Variants in MACROD2 observed in about 807,000 individuals in gnomAD.
MACROD2 encodes ADP-ribose glycohydrolase MACROD2.
Under a neutral mutation model 70.4 loss-of-function variants are expected in MACROD2, and 36 were observed. That is an observed-to-expected ratio of 0.51 (90% CI 0.39 to 0.68). The LOEUF (loss-of-function observed/expected upper bound fraction) is 0.68, where lower values mean the gene tolerates loss of function less well. MACROD2 is among the 30% of genes least tolerant of loss of function. The pLI is 0.00. For synonymous variants in MACROD2, 172 were observed against 178.8 expected (o/e 0.96, Z 0.30); for missense variants, 496 against 538.4 (o/e 0.92, Z 0.78).
intron 8 of MACROD2, among the ~76,000 whole-genome samples, chr20:15,523,394 C>T (rs1471371014): frequency 6.6e-6 from 1 of 152,174 alleles, no homozygotes. Flanking sequence ...ATTTTGTAGT[C>T]AAGGTCAGTG....
chr20:15,923,883 G>A (rs1006986133), intron 10 of MACROD2, among the ~76,000 whole-genome samples: 34 of 152,184 alleles, frequency 2.2e-4, no homozygotes, highest in African/African-American at 7.7e-4. Flanking sequence ...GTCAAATAGC[G>A]ATTAGCAAAA....
At chr20:14,245,642 T>C (rs931706862) in intron 3 of MACROD2, among the ~76,000 whole-genome samples, 2 of 152,166 alleles carry the variant, frequency 1.3e-5, no homozygotes, top group African/African-American at 2.4e-5. Context: ...AATTAAAGAA[T>C]CTGCCAGCTT....
intron 2 of MACROD2, among the ~76,000 whole-genome samples, chr20:14,030,014 C>CT (rs2053227108): frequency 6.6e-6 from 1 of 152,158 alleles, no homozygotes; most frequent in Non-Finnish European, 1.5e-5. Flanking sequence ...AGAAATAGTA[C>CT]TTTTTTTCCT....
At chr20:15,885,342 G>A (rs1000989339) in intron 9 of MACROD2, among the ~76,000 whole-genome samples, 3 of 152,062 alleles carry the variant, frequency 2.0e-5, no homozygotes, top group African/African-American at 4.8e-5. Context: ...GACATGTGTC[G>A]GTCTATGACC....
intron 3 of MACROD2, among the ~76,000 whole-genome samples, chr20:14,209,882 T>G (rs1210630514): frequency 1.3e-5 from 2 of 152,228 alleles, no homozygotes; most frequent in Non-Finnish European, 2.9e-5. Context: ...ATACTGTATT[T>G]GGATGGTCAA....
chr20:14,168,862 G>C (rs1326078195), intron 3 of MACROD2, among the ~76,000 whole-genome samples: 4 of 152,172 alleles, frequency 2.6e-5, no homozygotes, highest in Non-Finnish European at 5.9e-5. Flanking sequence ...TGTAAAGCCA[G>C]TGTCTCCCTA....
chr20:15,971,294 T>G (rs995819844), intron 13 of MACROD2, among the ~76,000 whole-genome samples: 10 of 152,138 alleles, frequency 6.6e-5, no homozygotes, highest in African/African-American at 2.4e-4. Flanking sequence ...GTAGCTCCCA[T>G]AATCCCCACG....
intron 5 of MACROD2, among the ~76,000 whole-genome samples, chr20:14,869,977 G>A (rs550961512): frequency 6.6e-6 from 1 of 152,120 alleles, no homozygotes; most frequent in East Asian, 1.9e-4. Context: ...TTAGTTCAGG[G>A]GTACATGTGC....
rs183322714 is a variant in MACROD2 at position 14,195,952 on chromosome 20, T to C, written c.271+110224T>C. 1.0e-3 allele frequency among the ~76,000 whole-genome samples: 159 copies of C among 152,272 alleles called. 2 individuals are homozygous for C. The highest frequency in any genetic ancestry group is 2.1e-3 in the Non-Finnish European group (145 of 68,008). ...TCCCTACGATAAGGCAGGGGTCTAATTGAGCTAACACAAGACACCTACAGA... is the reference window on the plus strand; with the variant it reads ...TCCCTACGATAAGGCAGGGGTCTAACTGAGCTAACACAAGACACCTACAGA... On this transcript the variant is annotated intron_variant, in intron 3 of 17. Coordinates refer to ENST00000684519, the MANE Select transcript of MACROD2 (RefSeq NM_001351661.2).
chr20:14,448,414 TG>T (rs1302009336), intron 3 of MACROD2, among the ~76,000 whole-genome samples: 4 of 151,860 alleles, frequency 2.6e-5, no homozygotes, highest in Non-Finnish European at 4.4e-5. Flanking sequence ...CGGTGACTCA[TG>T]CCTGTAATCC....
chr20:15,245,720 A>G (rs2077099597), intron 6 of MACROD2, among the ~76,000 whole-genome samples: 1 of 152,166 alleles, frequency 6.6e-6, no homozygotes, highest in South Asian at 2.1e-4. Flanking sequence ...GTGTTGAATG[A>G]TTTTGCTCGA....
intron 5 of MACROD2, among the ~76,000 whole-genome samples, chr20:14,817,912 C>A (rs978006413): frequency 1.3e-5 from 2 of 152,032 alleles, no homozygotes; most frequent in Non-Finnish European, 2.9e-5. Flanking sequence ...AAGCACTGAG[C>A]CAATGAGAGG....
intron 5 of MACROD2, among the ~76,000 whole-genome samples, chr20:14,862,188 T>TTATACATAAATATATAAATATATA (rs2073343417): frequency 2.9e-3 from 13 of 4,538 alleles, no homozygotes; most frequent in Non-Finnish European, 4.3e-3. Flanking sequence ...TAAATATATA[T>TTATACATAAATATATAAATATATA]TTATACATAA....
chr20:14,187,322 A>G (rs565465234), intron 3 of MACROD2, among the ~76,000 whole-genome samples: 71 of 152,296 alleles, frequency 4.7e-4, no homozygotes, highest in African/African-American at 1.4e-3. Context: ...AAAACCACTG[A>G]TACGTGAGGA....
chr20:14,450,107 A>T (rs1190710517), intron 3 of MACROD2, among the ~76,000 whole-genome samples: 1 of 152,142 alleles, frequency 6.6e-6, no homozygotes, highest in Non-Finnish European at 1.5e-5. Flanking sequence ...GACAATGACA[A>T]TATCTAATAG....
intron 5 of MACROD2, among the ~76,000 whole-genome samples, chr20:15,201,635 A>T (rs1962619333): frequency 1.3e-5 from 2 of 152,138 alleles, no homozygotes; most frequent in Admixed American, 1.3e-4. Context: ...ATTATTTGAG[A>T]ATCTTTTGCA....
chr20:14,288,077 G>A (rs1486652046), intron 3 of MACROD2, among the ~76,000 whole-genome samples: 1 of 152,004 alleles, frequency 6.6e-6, no homozygotes, highest in Non-Finnish European at 1.5e-5. Flanking sequence ...TGTGACCACA[G>A]GGAGGTAGGA....
rs150351002 is a variant in MACROD2 at position 14,438,738 on chromosome 20, G to A, written c.272-54741G>A. On this transcript the variant is annotated intron_variant, in intron 3 of 17. Coordinates refer to ENST00000684519, the MANE Select transcript of MACROD2 (RefSeq NM_001351661.2). Reference sequence around the variant, plus strand: ...GGAGAAATGCATATTCAAGTTCTTCGCCCATTTTAAAATTGGATTATATGT... The same window carrying A: ...GGAGAAATGCATATTCAAGTTCTTCACCCATTTTAAAATTGGATTATATGT... Among the ~76,000 whole-genome samples the A allele has an allele frequency of 3.2e-3, 488 of 152,164 alleles. 2 individuals carry two copies. The highest frequency in any genetic ancestry group is 0.014 in the South Asian group (68 of 4,822).
intron 13 of MACROD2, among the ~76,000 whole-genome samples, chr20:15,982,911 G>A (rs1272477350): frequency 6.7e-6 from 1 of 150,094 alleles, no homozygotes; most frequent in Non-Finnish European, 1.5e-5. Context: ...GGGGCCATTT[G>A]GAAACCTCGT....
Sources: gnomAD v4.1 joint callset for allele counts (sites outside exome capture counted in the v4.1 genomes callset) on GRCh38, gnomAD v4.1.1 for gene constraint, MANE v1.5 for transcripts, NCBI Gene and HGNC (gene_info 2026-07-23, HGNC 2026-07-21) for gene names.